COL4A1: variants seen among roughly 807,000 people sequenced by gnomAD.
COL4A1 encodes the protein collagen type IV alpha 1 chain.
COL4A1 carries 40 observed loss-of-function variants against 216.6 expected under a neutral mutation model. The observed-to-expected ratio is 0.18, with a 90% CI of 0.14 to 0.24. The LOEUF (loss-of-function observed/expected upper bound fraction) is 0.24, where lower values mean the gene tolerates loss of function less well. Among genes scored for constraint, COL4A1 ranks in the 10% least tolerant of loss-of-function variants. The pLI is 1.00. For missense variants in COL4A1, 1,628 were observed against 2,196.8 expected, an observed-to-expected ratio of 0.74 and a Z score of 5.18; for synonymous variants, 839 against 810.7, an observed-to-expected ratio of 1.03 and a Z score of -0.59.
chr13:110,162,876 C>T (rs987598737), intron 47 of COL4A1, among the ~76,000 whole-genome samples: 1 of 152,246 alleles, frequency 6.6e-6, no homozygotes, highest in African/African-American at 2.4e-5. Context: ...GGTGTTTCTT[C>T]CTCCATAGCA....
chr13:110,265,223 AGAAAGAG>A (rs1301811507), intron 1 of COL4A1: 1 of 152,284 alleles, frequency 6.6e-6, no homozygotes, highest in East Asian at 1.9e-4. Flanking sequence ...AGAAAATCAC[AGAAAGAG>A]GAAAGAGGAA....
chr13:110,292,321 A>C (rs148192419), intron 1 of COL4A1, among the ~76,000 whole-genome samples: 12 of 152,324 alleles, frequency 7.9e-5, no homozygotes, highest in African/African-American at 2.9e-4. Flanking sequence ...ACTTGTGCAC[A>C]GATTCATAAA....
In COL4A1 at chr13:110,201,348, G is replaced by GGAGGAGGAGGAAGAGGAC. The variant is rs752337319; in HGVS notation, c.1084+72_1084+89dup. 10 of 931,562 alleles carry GGAGGAGGAGGAAGAGGAC rather than the reference G, an allele frequency of 1.1e-5. No homozygotes were observed. In the East Asian group the frequency reaches 1.3e-4, roughly 12 times the overall value. 57.7% of individuals were successfully genotyped at this position (931,562 alleles called of 1,614,324 possible). A position where few individuals can be genotyped will look rare whatever the true frequency, so the allele number is the denominator to read the frequency against. On this transcript the variant is annotated intron_variant, in intron 19 of 51. Coordinates refer to ENST00000375820, the MANE Select transcript of COL4A1 (RefSeq NM_001845.6). The stretch of plus-strand genomic sequence containing the variant: ...GGAGGAAGGAGGAGGAGGAACAGGA[G>GGAGGAGGAGGAAGAGGAC]GAGGAGGAGGAAGAGGACGAGGAGG...
chr13:110,176,970 A>G lies in COL4A1; in HGVS notation c.2784T>C (p.Asp928=), dbSNP rs1877918007. Residue 928 remains aspartate (D), a synonymous_variant, in exon 34 of 52, where the codon GAT becomes GAC. Coordinates refer to ENST00000375820, the MANE Select transcript of COL4A1 (RefSeq NM_001845.6). ...GDPGLKGDKG[D]VGLPGKPGSM... is the part of the protein sequence containing the mutation. ...AGCCAGGCTTGCCAGGGAGACCGAC[A>G]TCCCCCTTATCACCTTTCAAGCCAG... 4.3e-6 allele frequency: 7 copies of G among 1,613,864 alleles called. No individual in the cohort carries two copies. In the South Asian group the frequency reaches 7.7e-5, roughly 18 times the overall value.
At chr13:110,151,363 G>A (rs1358896049) in intron 51 of COL4A1, among the ~76,000 whole-genome samples, 1 of 151,928 alleles carries the variant, frequency 6.6e-6, no homozygotes, top group Non-Finnish European at 1.5e-5. Context: ...CGCAAGGGCT[G>A]AGGCATGAAC....
At chr13:110,284,579 G>A (rs1164806739) in intron 1 of COL4A1, among the ~76,000 whole-genome samples, 1 of 152,206 alleles carries the variant, frequency 6.6e-6, no homozygotes, top group Non-Finnish European at 1.5e-5. Flanking sequence ...CAAAACACAT[G>A]GAGAAGTAGC....
At chr13:110,213,250 T>C (rs1879905528) in intron 4 of COL4A1, among the ~76,000 whole-genome samples, 1 of 147,480 alleles carries the variant, frequency 6.8e-6, no homozygotes, top group Non-Finnish European at 1.5e-5. Flanking sequence ...ACACCACCTG[T>C]ACCAAAAAAA....
intron 1 of COL4A1, among the ~76,000 whole-genome samples, chr13:110,284,394 C>A: frequency 6.6e-6 from 1 of 152,222 alleles, no homozygotes; most frequent in Admixed American, 6.5e-5. Flanking sequence ...GAGGCATAAT[C>A]CCGAAATCAG....
chr13:110,197,150 G>A (rs1222274206), intron 21 of COL4A1, among the ~76,000 whole-genome samples: 2 of 151,756 alleles, frequency 1.3e-5, no homozygotes, highest in African/African-American at 4.8e-5. Flanking sequence ...CCCACCATTG[G>A]CTCCCTCACC....
chr13:110,173,952 C>T lies in COL4A1; in HGVS notation c.3453G>A (p.Gly1151=), dbSNP rs747184222. ...CCGGGATTCCATCACTGCCTGGCTC[C>T]CCTTTCTGGCCAGCTGGGCCTGTGG... The part of the protein sequence containing the change: ...PGPTGPAGQK[G]EPGSDGIPGS... Residue 1151 remains glycine (G), a synonymous_variant, in exon 40 of 52, where the codon GGG becomes GGA. Coordinates refer to ENST00000375820, the MANE Select transcript of COL4A1 (RefSeq NM_001845.6). 1 of 1,614,074 alleles carries T rather than the reference C, an allele frequency of 6.2e-7. No homozygotes were observed.
chr13:110,157,464 G>A (rs1382113429), intron 49 of COL4A1, among the ~76,000 whole-genome samples: 1 of 152,218 alleles, frequency 6.6e-6, no homozygotes, highest in African/African-American at 2.4e-5. Context: ...CTGAGAAGTC[G>A]TGGAAACCAC....
rs1880584981 is a variant in COL4A1, at chr13:110,223,159, G to A, written c.145-9144C>T. Among the ~76,000 whole-genome samples, 3 of 152,090 alleles carry A rather than the reference G, an allele frequency of 2.0e-5. No homozygotes were observed. The South Asian group carries it at 6.2e-4, about 32-fold the overall frequency. ...AGCAAATTCAATTTTTAAAATAGCT[G>A]TATGGAAATAGAAAATACTGAAAAA... On this transcript the variant is annotated intron_variant, in intron 2 of 51. Coordinates refer to ENST00000375820, the MANE Select transcript of COL4A1 (RefSeq NM_001845.6).
chr13:110,252,436 TA>T (rs1397366578), intron 1 of COL4A1, among the ~76,000 whole-genome samples: 1 of 134,220 alleles, frequency 7.5e-6, no homozygotes, highest in African/African-American at 2.9e-5. Context: ...TATATATGTA[TA>T]ATTATACGTA....
chr13:110,206,778 G>T, intron 14 of COL4A1, 63 bp from the exon 15 acceptor site: 1 of 1,606,450 alleles, frequency 6.2e-7, no homozygotes, highest in Non-Finnish European at 8.5e-7. Context: ...AAATTAGATA[G>T]ATATTAAACT....
At chr13:110,224,140 T>G (rs1333894927) in intron 2 of COL4A1, among the ~76,000 whole-genome samples, 1 of 152,192 alleles carries the variant, frequency 6.6e-6, no homozygotes, top group Admixed American at 6.5e-5. Flanking sequence ...AGTCTGCACA[T>G]GAAATCACGC....
At chr13:110,276,750 TC>T (rs1338787598) in intron 1 of COL4A1, among the ~76,000 whole-genome samples, 1 of 152,198 alleles carries the variant, frequency 6.6e-6, no homozygotes, top group Non-Finnish European at 1.5e-5. Flanking sequence ...CAGTTTTAAT[TC>T]CACGACTGCT....
chr13:110,283,543 CCTTT>C (rs1249045245), intron 1 of COL4A1, among the ~76,000 whole-genome samples: 7 of 152,218 alleles, frequency 4.6e-5, no homozygotes, highest in Admixed American at 1.3e-4. Flanking sequence ...CCTGCACACA[CCTTT>C]CTGTGTATAC....
chr13:110,224,435 GCCTTGGCCTC>G (rs1182416711), intron 2 of COL4A1, among the ~76,000 whole-genome samples: 8 of 152,126 alleles, frequency 5.3e-5, no homozygotes, highest in African/African-American at 1.9e-4. Context: ...CGATTCTTGC[GCCTTGGCCTC>G]CCAAGTAGCT....
At chr13:110,177,185 T>C (rs1167408229) in intron 33 of COL4A1, 148 bp from the exon 34 acceptor site, 3 of 1,368,052 alleles carry the variant, frequency 2.2e-6, no homozygotes, top group Non-Finnish European at 3.0e-6. Flanking sequence ...ATGGCCAGTG[T>C]CTGAGACACA....
Sources: allele counts gnomAD v4.1 joint callset (sites outside exome capture counted in the v4.1 genomes callset), GRCh38; gene constraint gnomAD v4.1.1; transcripts MANE v1.5; gene names NCBI Gene and HGNC (gene_info 2026-07-23, HGNC 2026-07-21).